GNAI2: variants seen among roughly 807,000 people sequenced by gnomAD.
The protein encoded by GNAI2 is G protein subunit alpha i2.
In GNAI2, 4 loss-of-function variants were observed where a neutral mutation model predicts 36.8. That is an observed-to-expected ratio of 0.11 (90% CI 0.05 to 0.25). GNAI2 has a LOEUF of 0.25. Ranked by LOEUF, GNAI2 falls within the 10% of genes least tolerant of loss-of-function variation. The pLI is 1.00. For synonymous variants in GNAI2, 194 were observed against 194.1 expected, an observed-to-expected ratio of 1.00 and a Z score of 0.01; for missense variants, 230 against 481.3, an observed-to-expected ratio of 0.48 and a Z score of 4.89.
rs1553702744 is a variant in GNAI2 at position 50,252,993 on chromosome 3, C to T, written c.304-31C>T. 3 of 1,555,894 alleles carry T rather than the reference C, an allele frequency of 1.9e-6. No homozygotes were observed. Among genetic ancestry groups the T allele is most frequent in the East Asian group, 4.6e-5 (2 of 43,908 alleles). ...CTGGCAGAGTGGGGGTACATTCCTT[C>T]AACTGCCTGACCACCCGCCACTGTG... On this transcript the variant is annotated intron_variant, in intron 3 of 8. Transcript: ENST00000313601. The surrounding 1 kb of genome is among the most constrained non-coding windows in gnomAD (Gnocchi z 4.1).
In GNAI2 at chr3:50,259,064, CGGCACCCCTG is replaced by C. The variant is rs1700788605; in HGVS notation, c.*722_*731del. On this transcript the variant is annotated 3_prime_UTR_variant, in exon 9 of 9. Transcript: ENST00000313601. ...CCTCTGCTGGCCGCCCCCGTGCGAG[CGGCACCCCTG>C]CCCTGCCCTCCACAGAATTGGGTTC... 2 of 397,898 alleles carry C rather than the reference CGGCACCCCTG, an allele frequency of 5.0e-6. No homozygotes were observed. The highest frequency in any genetic ancestry group is 9.8e-6 in the Non-Finnish European group (2 of 203,626). 24.6% of individuals were successfully genotyped at this position (397,898 alleles called of 1,614,324 possible). A position where few individuals can be genotyped will look rare whatever the true frequency, so the allele number is the denominator to read the frequency against.
At chr3:50,254,941 G>C (rs1442424048) in intron 4 of GNAI2, among the ~76,000 whole-genome samples, 3 of 152,232 alleles carry the variant, frequency 2.0e-5, no homozygotes, top group African/African-American at 7.2e-5. Context: ...CAGCGAGTCA[G>C]GGGGTCCCTG....
rs1452030774 is a variant in GNAI2, at chr3:50,236,679, A to T, written c.118+226A>T. ...TCCCAGACCCCAGACCTCCAAATCC[A>T]GTCAACAGTGCCCCAACACCCGCGG... On this transcript the variant is annotated intron_variant, in intron 1 of 8. Coordinates refer to ENST00000313601, the MANE Select transcript of GNAI2 (RefSeq NM_002070.4). This position sits in a 1 kb window ranked among gnomAD's most constrained non-coding sequence, Gnocchi z 4.0. Among the ~76,000 whole-genome samples, 1 of 151,886 alleles carries T rather than the reference A, an allele frequency of 6.6e-6. No homozygotes were observed. The highest frequency in any genetic ancestry group is 1.5e-5 in the Non-Finnish European group (1 of 67,966).
At chr3:50,240,751 T>A (rs1433682378) in intron 1 of GNAI2, among the ~76,000 whole-genome samples, 1 of 151,882 alleles carries the variant, frequency 6.6e-6, no homozygotes, top group Non-Finnish European at 1.5e-5. Context: ...ACCCCGTCTC[T>A]ACTAAAAATA....
intron 1 of GNAI2, among the ~76,000 whole-genome samples, chr3:50,237,941 G>T (rs1700217407): frequency 6.6e-6 from 1 of 152,224 alleles, no homozygotes; most frequent in South Asian, 2.1e-4. Flanking sequence ...TCCATTATGG[G>T]CCATCTGTTG....
chr3:50,256,453 C>T, intron 5 of GNAI2, 133 bp downstream of exon 5: 2 of 846,966 alleles, frequency 2.4e-6, no homozygotes, highest in Non-Finnish European at 4.0e-6. Flanking sequence ...CAAGCACATC[C>T]TCACCACCTA....
chr3:50,252,281 TCCC>T lies in GNAI2; in HGVS notation c.162-115_162-113del. 7.2e-7 allele frequency: 1 copy of T among 1,381,610 alleles called. No individual in the cohort carries two copies. Among genetic ancestry groups the T allele is most frequent in the Middle Eastern group, 2.0e-4 (1 of 5,096 alleles). The allele number at this position is 1,381,610 out of a possible 1,614,324, so 85.6% of individuals were successfully genotyped here. On this transcript the variant is annotated intron_variant, in intron 2 of 8. Coordinates refer to ENST00000313601, the MANE Select transcript of GNAI2 (RefSeq NM_002070.4). This position sits in a 1 kb window ranked among gnomAD's most constrained non-coding sequence, Gnocchi z 4.1. The stretch of plus-strand genomic sequence containing the variant: ...TCTGAGAAGCAGAAGGACCCTCAGG[TCCC>T]AGTGGGTCAGGGGCAGTTTTCCCTT...
intron 1 of GNAI2, among the ~76,000 whole-genome samples, chr3:50,245,966 GT>G (rs1344477351): frequency 6.6e-6 from 1 of 152,214 alleles, no homozygotes; most frequent in Non-Finnish European, 1.5e-5. Flanking sequence ...GAGTCTGTTG[GT>G]CTGTTCAGGC....
At position 50,252,159 on chromosome 3, in the gene GNAI2, A is replaced by G. The variant is rs1478727948; in HGVS notation, c.161+17A>G. 1 of 1,611,700 alleles carries G rather than the reference A, an allele frequency of 6.2e-7. No homozygotes were observed. ...GCAGATGAAGTAAGTGCTGTATTCC[A>G]GAGGCAGTGCTCAAACTCCAGCTTC... On this transcript the variant is annotated intron_variant, in intron 2 of 8. Coordinates refer to ENST00000313601, the MANE Select transcript of GNAI2 (RefSeq NM_002070.4). The surrounding 1 kb of genome is among the most constrained non-coding windows in gnomAD (Gnocchi z 4.1).
intron 1 of GNAI2, among the ~76,000 whole-genome samples, chr3:50,249,917 G>A (rs927169035): frequency 1.9e-4 from 29 of 152,226 alleles, no homozygotes; most frequent in African/African-American, 6.8e-4. Flanking sequence ...GCCTGCTGCC[G>A]CTTGTTGAGC....
chr3:50,237,878 G>T (rs989346177), intron 1 of GNAI2, among the ~76,000 whole-genome samples: 35 of 152,244 alleles, frequency 2.3e-4, no homozygotes, highest in African/African-American at 7.5e-4. Context: ...CTCCCAGGCT[G>T]TGAAAAGCAG....
rs1700305338 is a variant in GNAI2, at chr3:50,241,781, G to A, written c.118+5328G>A. On this transcript the variant is annotated intron_variant, in intron 1 of 8. Coordinates refer to ENST00000313601, the MANE Select transcript of GNAI2 (RefSeq NM_002070.4). This position sits in a 1 kb window ranked among gnomAD's most constrained non-coding sequence, Gnocchi z 5.0. ...ACTATGTGTCAGAGCCTAGGCTGCT[G>A]GATGGGGCCTGGGGATGGTCCGGGA... Among the ~76,000 whole-genome samples, 1 of 152,202 alleles carries A rather than the reference G, an allele frequency of 6.6e-6. No individual in the cohort carries two copies. The highest frequency in any genetic ancestry group is 1.5e-5 in the Non-Finnish European group (1 of 68,026).
In GNAI2 at chr3:50,253,965, G is replaced by A. The variant is rs1700627611; in HGVS notation, c.464+781G>A. On this transcript the variant is annotated intron_variant, in intron 4 of 8. Coordinates refer to ENST00000313601, the MANE Select transcript of GNAI2 (RefSeq NM_002070.4). This position sits in a 1 kb window ranked among gnomAD's most constrained non-coding sequence, Gnocchi z 4.2. Reference sequence around the variant, plus strand: ...CAGCATCTCGGGGTGGTGGGGAGCTGGCTGTGCTTGAACATAGGCTGTGGA... The same window carrying A: ...CAGCATCTCGGGGTGGTGGGGAGCTAGCTGTGCTTGAACATAGGCTGTGGA... Among the ~76,000 whole-genome samples the A allele has an allele frequency of 6.6e-6, 1 of 152,020 alleles. No individual in the cohort carries two copies. Among genetic ancestry groups the A allele is most frequent in the Non-Finnish European group, 1.5e-5 (1 of 67,976 alleles).
chr3:50,250,918 TTC>T, intron 1 of GNAI2, among the ~76,000 whole-genome samples: 2 of 152,260 alleles, frequency 1.3e-5, no homozygotes, highest in South Asian at 4.1e-4. Flanking sequence ...CAAGCGATTC[TTC>T]TGCCTCAGCC....
chr3:50,257,450 C>A (rs782153627), intron 7 of GNAI2, 50 bp from the exon 8 acceptor site: 3 of 1,316,040 alleles, frequency 2.3e-6, no homozygotes, highest in South Asian at 2.8e-5. Context: ...ACGTAGGATG[C>A]GGCCTGCCTG....
At chr3:50,257,234 T>G (rs1448899056) in intron 7 of GNAI2, 144 bp downstream of exon 7, 1 of 699,022 alleles carries the variant, frequency 1.4e-6, no homozygotes, top group East Asian at 2.6e-5. Flanking sequence ...TCACTTAGGC[T>G]TGTATAGTTG....
At chr3:50,232,492 A>G (rs1427968948), upstream of GNAI2, among the ~76,000 whole-genome samples, 2 of 152,198 alleles carry the variant, frequency 1.3e-5, no homozygotes, top group African/African-American at 4.8e-5. Context: ...AAGAAAACCG[A>G]GGTACAGGGA....
intron 1 of GNAI2, among the ~76,000 whole-genome samples, chr3:50,246,363 G>GC (rs1404912286): frequency 1.3e-5 from 2 of 152,240 alleles, no homozygotes; most frequent in Non-Finnish European, 2.9e-5. Context: ...GCTGCCGGGC[G>GC]CCCCCTGGTG....
At chr3:50,257,418 C>A (rs1340712713) in intron 7 of GNAI2, 82 bp from the exon 8 acceptor site, 34 of 928,726 alleles carry the variant, frequency 3.7e-5, no homozygotes, top group Non-Finnish European at 5.2e-5. Context: ...TGGCCGTCCA[C>A]ACGCACAGAC....
Sources: allele counts gnomAD v4.1 joint callset (sites outside exome capture counted in the v4.1 genomes callset), GRCh38; gene constraint gnomAD v4.1.1; non-coding constraint Gnocchi (gnomAD v3.1); transcripts MANE v1.5; gene names NCBI Gene and HGNC (gene_info 2026-07-23, HGNC 2026-07-21).